Variants in MECOM observed in about 807,000 individuals in gnomAD.
MECOM encodes MDS1 and EVI1 complex locus.
MECOM carries 13 observed loss-of-function variants against 116.3 expected under a neutral mutation model. The observed-to-expected ratio is 0.11, with a 90% CI of 0.07 to 0.18. The LOEUF (loss-of-function observed/expected upper bound fraction) is 0.18. MECOM is among the 10% of genes least tolerant of loss of function. The pLI is 1.00. For synonymous variants in MECOM, 528 were observed against 535.2 expected, an observed-to-expected ratio of 0.99 and a Z score of 0.19; for missense variants, 1,299 against 1,509.0, an observed-to-expected ratio of 0.86 and a Z score of 2.31.
chr3:169,524,471 C>T (rs1383054137), intron 1 of MECOM, among the ~76,000 whole-genome samples: 1 of 152,228 alleles, frequency 6.6e-6, no homozygotes, highest in Non-Finnish European at 1.5e-5. Flanking sequence ...AGCATGGACA[C>T]TCTTTTCTGT....
chr3:169,085,038 A>G lies in MECOM; in HGVS notation c.3591T>C (p.Tyr1197=), dbSNP rs144184901. The G allele has an allele frequency of 8.7e-6, 14 of 1,614,038 alleles. No individual in the cohort carries two copies. The African/African-American group carries it at 1.7e-4, about 20-fold the overall frequency. ...TGTCAGACAGTGACAGCATCATAGCATATGCCTGGGGTAAAAAGGAGAGAG... is the reference window on the plus strand; with the variant it reads ...TGTCAGACAGTGACAGCATCATAGCGTATGCCTGGGGTAAAAAGGAGAGAG... ...PLHRKSKSQA[Y]AMMLSLSDKE... The change falls in exon 17 of 17, where the codon TAT becomes TAC. Residue 1197 remains tyrosine, a synonymous_variant. Coordinates refer to ENST00000651503, the MANE Select transcript of MECOM (RefSeq NM_004991.4).
intron 14 of MECOM, among the ~76,000 whole-genome samples, chr3:169,091,389 CTG>C (rs1719668016): frequency 6.6e-6 from 1 of 152,060 alleles, no homozygotes; most frequent in South Asian, 2.1e-4. Context: ...TATTTCTGTG[CTG>C]TTTAGACATG....
chr3:169,085,108 A>G, intron 16 of MECOM, 65 bp from the exon 17 acceptor site: 1 of 1,595,704 alleles, frequency 6.3e-7, no homozygotes, highest in South Asian at 1.1e-5. Flanking sequence ...AGTTCAAAGA[A>G]TATTGTTGGT....
intron 1 of MECOM, among the ~76,000 whole-genome samples, chr3:169,577,119 G>A (rs924105374): frequency 2.6e-5 from 4 of 152,114 alleles, no homozygotes; most frequent in Non-Finnish European, 5.9e-5. Context: ...TGACATCTCT[G>A]TACCTCTGTT....
At chr3:169,304,907 G>A (rs1215051176) in intron 2 of MECOM, among the ~76,000 whole-genome samples, 7 of 152,064 alleles carry the variant, frequency 4.6e-5, no homozygotes, top group Admixed American at 3.3e-4. Context: ...TCCCTCCTAC[G>A]TGCAAGGCAC....
intron 2 of MECOM, among the ~76,000 whole-genome samples, chr3:169,359,540 T>C (rs144732716): frequency 8.8e-4 from 134 of 151,868 alleles, no homozygotes; most frequent in Non-Finnish European, 1.7e-3. Flanking sequence ...ATAATTTGAA[T>C]CCTAACAACT....
intron 2 of MECOM, among the ~76,000 whole-genome samples, chr3:169,208,236 T>C (rs1199303650): frequency 6.7e-6 from 1 of 150,002 alleles, no homozygotes; most frequent in Admixed American, 6.7e-5. Flanking sequence ...TGTATATTTA[T>C]ATATGTGTGT....
intron 1 of MECOM, chr3:169,464,053 T>G (rs1218935880): frequency 6.6e-6 from 1 of 152,190 alleles, no homozygotes; most frequent in Non-Finnish European, 1.5e-5. Flanking sequence ...AAGACTCACA[T>G]GCCCACCTCA....
chr3:169,276,103 A>C (rs185684487), intron 2 of MECOM, among the ~76,000 whole-genome samples: 4 of 152,352 alleles, frequency 2.6e-5, no homozygotes, highest in African/African-American at 9.6e-5. Flanking sequence ...TGTCTGCCAT[A>C]GCCACACATC....
At chr3:169,646,197 A>G (rs1048142054) in intron 1 of MECOM, among the ~76,000 whole-genome samples, 1 of 151,858 alleles carries the variant, frequency 6.6e-6, no homozygotes, top group Non-Finnish European at 1.5e-5. Context: ...GTGCCGCAAT[A>G]AACATACGTG....
At chr3:169,367,242 G>C (rs1014430571) in intron 2 of MECOM, among the ~76,000 whole-genome samples, 3 of 152,054 alleles carry the variant, frequency 2.0e-5, no homozygotes, top group Non-Finnish European at 4.4e-5. Context: ...GAAAGACTAA[G>C]AAAGTGAATT....
chr3:169,357,390 A>G (rs1418580820), intron 2 of MECOM, among the ~76,000 whole-genome samples: 3 of 151,862 alleles, frequency 2.0e-5, no homozygotes, highest in African/African-American at 7.2e-5. Context: ...CCAAAGCTCC[A>G]TTTCTACCTC....
intron 2 of MECOM, among the ~76,000 whole-genome samples, chr3:169,265,210 G>A (rs1181265272): frequency 6.6e-6 from 1 of 152,114 alleles, no homozygotes; most frequent in Non-Finnish European, 1.5e-5. Flanking sequence ...TACTAAGGAT[G>A]ATCTTGTCCA....
At chr3:169,518,381 C>T (rs2109068701) in intron 1 of MECOM, among the ~76,000 whole-genome samples, 1 of 152,204 alleles carries the variant, frequency 6.6e-6, no homozygotes, top group South Asian at 2.1e-4. Flanking sequence ...TAGCCAAAAG[C>T]ATTCTCCTAA....
At chr3:169,113,274 G>A (rs1274293476) in intron 8 of MECOM, among the ~76,000 whole-genome samples, 1 of 151,908 alleles carries the variant, frequency 6.6e-6, no homozygotes, top group African/African-American at 2.4e-5. Context: ...CCAAGAAGGT[G>A]TTCTCCCAAA....
chr3:169,207,187 T>TAACA (rs1750052674), intron 2 of MECOM, among the ~76,000 whole-genome samples: 4 of 152,196 alleles, frequency 2.6e-5, no homozygotes, highest in Non-Finnish European at 5.9e-5. Flanking sequence ...TGCATATAAA[T>TAACA]GTCTGGAGAA....
At chr3:169,626,515 C>T (rs1367489561) in intron 1 of MECOM, among the ~76,000 whole-genome samples, 1 of 152,162 alleles carries the variant, frequency 6.6e-6, no homozygotes, top group African/African-American at 2.4e-5. Context: ...CAAAAAGAGC[C>T]TCGACTGATC....
At chr3:169,644,142 G>A (rs992567914) in intron 1 of MECOM, among the ~76,000 whole-genome samples, 43 of 152,036 alleles carry the variant, frequency 2.8e-4, no homozygotes, top group African/African-American at 1.0e-3. Flanking sequence ...AAAATACATA[G>A]ATTATCTCAA....
chr3:169,253,448 A>G (rs919860176), intron 2 of MECOM, among the ~76,000 whole-genome samples: 6 of 151,374 alleles, frequency 4.0e-5, no homozygotes, highest in African/African-American at 1.5e-4. Context: ...TTTTGAATAC[A>G]CAGCAATAGA....
Sources: gnomAD v4.1 joint callset for allele counts (sites outside exome capture counted in the v4.1 genomes callset) on GRCh38, gnomAD v4.1.1 for gene constraint, MANE v1.5 for transcripts, NCBI Gene and HGNC (gene_info 2026-07-23, HGNC 2026-07-21) for gene names.